RBBP8: variants seen among roughly 807,000 people sequenced by gnomAD.
RBBP8 encodes the protein DNA endonuclease RBBP8.
A neutral mutation model predicts 108.3 loss-of-function variants in RBBP8; 88 were observed. The ratio of observed to expected loss-of-function variants is 0.81; its 90% CI spans 0.68 to 0.97. The LOEUF is 0.97. Ranked by LOEUF, RBBP8 falls within the 50% of genes least tolerant of loss-of-function variation. The probability of loss-of-function intolerance (pLI) is 0.00; values close to 1 mark genes in which losing one functional copy is unlikely to be tolerated. For missense variants in RBBP8, 1,023 were observed against 1,049.0 expected (o/e 0.98, Z 0.34); for synonymous variants, 332 against 348.2 (o/e 0.95, Z 0.52).
Position 22,925,610 on chromosome 18 carries a change from G to GA in RBBP8, c.-153-3766dup, listed in dbSNP as rs143790107. Among the ~76,000 whole-genome samples the GA allele has an allele frequency of 2.7e-3, 404 of 152,230 alleles. 3 individuals are homozygous for GA. Among genetic ancestry groups the GA allele is most frequent in the African/African-American group, 9.6e-3 (397 of 41,528 alleles). On this transcript the variant is annotated intron_variant, in intron 3 of 4. Coordinates refer to the RBBP8 transcript ENST00000577588. The stretch of plus-strand genomic sequence containing the variant: ...TGAATAAATCCATCAATTCACAGGT[G>GA]AAAAAAATTAGTGTTTAAGATGCGA...
chr18:22,989,172 G>T, intron 8 of RBBP8, 49 bp from the exon 9 acceptor site: 1 of 1,352,078 alleles, frequency 7.4e-7, no homozygotes, highest in Non-Finnish European at 1.0e-6. Context: ...CTACAGTTTT[G>T]TAAAATTGGT....
intron 17 of RBBP8, 75 bp downstream of exon 17, chr18:23,016,999 C>A: frequency 9.2e-7 from 1 of 1,082,354 alleles, no homozygotes; most frequent in Non-Finnish European, 1.4e-6. Flanking sequence ...TTTAAAATCA[C>A]GTATACAAAC....
intron 15 of RBBP8, among the ~76,000 whole-genome samples, chr18:23,005,656 AC>A (rs1183693152): frequency 6.6e-6 from 1 of 151,890 alleles, no homozygotes; most frequent in Non-Finnish European, 1.5e-5. Flanking sequence ...CAGGTGATCC[AC>A]CCACCTCGGC....
Position 22,984,982 on chromosome 18 carries a change from C to T in RBBP8, c.701C>T (p.Pro234Leu), listed in dbSNP as rs769431854. Residue 234 changes from proline to leucine, a missense_variant, in exon 8 of 19, where the codon CCA becomes CTA. By Grantham distance (98) the Pro-to-Leu change is moderately conservative (BLOSUM62 -3). Transcript: ENST00000327155. The part of the protein sequence containing the change: ...VADTYDQSQS[P>L]MAKAHGTSSY... ...GACACTTATGACCAAAGTCAATCTC[C>T]AATGGCCAGTAAGCAAGATACTGAG... The T allele has an allele frequency of 6.2e-7, 1 of 1,611,306 alleles. No homozygotes were observed. The highest frequency in any genetic ancestry group is 1.1e-5 in the South Asian group (1 of 90,910).
intron 15 of RBBP8, among the ~76,000 whole-genome samples, chr18:23,005,493 A>G (rs1290203505): frequency 6.6e-6 from 1 of 151,798 alleles, no homozygotes; most frequent in Non-Finnish European, 1.5e-5. Context: ...GCTCACTGCA[A>G]CCTCCAACTC....
intron 2 of RBBP8, among the ~76,000 whole-genome samples, chr18:22,938,467 G>A (rs565386667): frequency 2.3e-4 from 35 of 152,284 alleles, no homozygotes; most frequent in Middle Eastern, 3.4e-3. Flanking sequence ...GATTACAGGC[G>A]TGAGCTGCGC....
At chr18:22,948,611 T>G (rs896571478) in intron 3 of RBBP8, among the ~76,000 whole-genome samples, 3 of 152,194 alleles carry the variant, frequency 2.0e-5, no homozygotes, top group Non-Finnish European at 4.4e-5. Context: ...CATTTTGGCT[T>G]AGTTGTTTTA....
chr18:23,022,650 ATAT>A lies in RBBP8; in HGVS notation c.2596+381_2596+383del, dbSNP rs369129555. Among the ~76,000 whole-genome samples, 48 of 33,590 alleles carry A rather than the reference ATAT, an allele frequency of 1.4e-3. 1 individual carries two copies. The highest frequency in any genetic ancestry group is 1.9e-3 in the Admixed American group (6 of 3,190). 22.0% of individuals were successfully genotyped at this position (33,590 alleles called of 152,430 possible). On this transcript the variant is annotated intron_variant, in intron 18 of 18. Coordinates refer to ENST00000327155, the MANE Select transcript of RBBP8 (RefSeq NM_002894.3). ...AATAAAATAAAATAAATAAAATACA[ATAT>A]AAAATAAAATAAAATAAATAACTGT...
chr18:22,977,196 A>AGTTTTGTTTT (rs113914634), intron 6 of RBBP8, among the ~76,000 whole-genome samples: 57 of 151,936 alleles, frequency 3.8e-4, no homozygotes, highest in African/African-American at 1.1e-3. Flanking sequence ...TTTGCTCAGC[A>AGTTTTGTTTT]GTTTTGTTTT....
chr18:22,987,075 C>A (rs777646972), intron 8 of RBBP8, among the ~76,000 whole-genome samples: 37 of 152,158 alleles, frequency 2.4e-4, no homozygotes, highest in Non-Finnish European at 4.7e-4. Flanking sequence ...TAATAATCTC[C>A]ACCTTTAGCT....
chr18:22,956,415 G>C (rs1430067015), intron 4 of RBBP8, among the ~76,000 whole-genome samples: 1 of 152,062 alleles, frequency 6.6e-6, no homozygotes, highest in Non-Finnish European at 1.5e-5. Context: ...GCTCATTACA[G>C]CCTCAAATTC....
chr18:23,013,655 A>T (rs2046208776), intron 16 of RBBP8, among the ~76,000 whole-genome samples: 1 of 152,200 alleles, frequency 6.6e-6, no homozygotes, highest in Non-Finnish European at 1.5e-5. Flanking sequence ...AGGAGGAGTT[A>T]GTTTTGGGAA....
In RBBP8 at chr18:22,987,476, C is replaced by T. The variant is rs879288955; in HGVS notation, c.710-1745C>T. ...CTATTTATTTATTTATTTTTTGAGACGGGGTCTGTCCCTGTCACCCAGGCT... is the reference window on the plus strand; with the variant it reads ...CTATTTATTTATTTATTTTTTGAGATGGGGTCTGTCCCTGTCACCCAGGCT... On this transcript the variant is annotated intron_variant, in intron 8 of 18. Transcript: ENST00000327155. Among the ~76,000 whole-genome samples the T allele has an allele frequency of 4.6e-5, 7 of 152,124 alleles. No homozygotes were observed. In the East Asian group the frequency reaches 7.7e-4, roughly 17 times the overall value.
At chr18:22,938,980 A>T (rs8095237) in intron 2 of RBBP8, among the ~76,000 whole-genome samples, 24,985 of 152,208 alleles carry the variant, frequency 0.16, 2,668 homozygotes, top group African/African-American at 0.31. Context: ...GTGTTAAAAG[A>T]TACACCATAT....
intron 7 of RBBP8, among the ~76,000 whole-genome samples, chr18:22,983,557 C>T (rs1320194010): frequency 2.1e-5 from 3 of 141,052 alleles, no homozygotes; most frequent in African/African-American, 7.4e-5. Flanking sequence ...GCATAATTTA[C>T]ATCAGGTTTA....
chr18:22,969,329 G>A (rs554460716), intron 5 of RBBP8, among the ~76,000 whole-genome samples: 27 of 152,116 alleles, frequency 1.8e-4, no homozygotes, highest in Non-Finnish European at 3.7e-4. Flanking sequence ...GTTTTCATAA[G>A]TATACTATTT....
chr18:22,942,009 A>G (rs1296429985), intron 2 of RBBP8, among the ~76,000 whole-genome samples: 1 of 152,142 alleles, frequency 6.6e-6, no homozygotes, highest in Non-Finnish European at 1.5e-5. Flanking sequence ...ATAGTTCCAT[A>G]TAAAATTAGA....
At chr18:22,922,066 A>G (rs1001519680) in intron 3 of RBBP8, among the ~76,000 whole-genome samples, 1 of 152,208 alleles carries the variant, frequency 6.6e-6, no homozygotes, top group Non-Finnish European at 1.5e-5. Flanking sequence ...CTATAATGTG[A>G]TCCTGAGGCT....
At chr18:23,023,061 A>AC (rs2046399558) in intron 18 of RBBP8, among the ~76,000 whole-genome samples, 1 of 149,532 alleles carries the variant, frequency 6.7e-6, no homozygotes, top group South Asian at 2.1e-4. Context: ...CATACCCAGC[A>AC]CTTTTTTTTT....
Sources: allele counts gnomAD v4.1 joint callset (sites outside exome capture counted in the v4.1 genomes callset), GRCh38; gene constraint gnomAD v4.1.1; transcripts MANE v1.5; gene names NCBI Gene and HGNC (gene_info 2026-07-23, HGNC 2026-07-21).